ASTN2: variants seen among roughly 807,000 people sequenced by gnomAD.
The protein encoded by ASTN2 is astrotactin-2.
In ASTN2, 54 loss-of-function variants were observed where a neutral mutation model predicts 139.8. The observed-to-expected ratio is 0.39, with a 90% CI of 0.31 to 0.48. The LOEUF (loss-of-function observed/expected upper bound fraction) is 0.48, where lower values mean the gene tolerates loss of function less well. Ranked by LOEUF, ASTN2 falls within the 20% of genes least tolerant of loss-of-function variation. The pLI, the probability that ASTN2 is intolerant of heterozygous loss-of-function variation, is 0.95. For missense variants in ASTN2, 1,565 were observed against 1,725.1 expected (o/e 0.91, Z 1.64); for synonymous variants, 756 against 719.5 (o/e 1.05, Z -0.81).
rs367582464 is a variant in ASTN2, at chr9:117,342,251, G to A, written c.443-50738C>T. Among the ~76,000 whole-genome samples, 160 of 152,314 alleles carry A rather than the reference G, an allele frequency of 1.1e-3. 1 individual carries two copies. The highest frequency in any genetic ancestry group is 9.1e-3 in the South Asian group (44 of 4,830). On this transcript the variant is annotated intron_variant, in intron 1 of 22. Coordinates refer to ENST00000313400, the MANE Select transcript of ASTN2 (RefSeq NM_001365068.1). Reference sequence around the variant, plus strand: ...ACATGCTAAAATGCCAGATGGTTGGGAGCTTGAATCCCCCATTCTGCCACT... The same window carrying A: ...ACATGCTAAAATGCCAGATGGTTGGAAGCTTGAATCCCCCATTCTGCCACT...
intron 16 of ASTN2, among the ~76,000 whole-genome samples, chr9:116,695,619 G>T (rs181673266): frequency 1.2e-4 from 18 of 152,174 alleles, no homozygotes; most frequent in Non-Finnish European, 1.6e-4. Context: ...CTTCTCCTGG[G>T]TGGTTGACCA....
intron 2 of ASTN2, among the ~76,000 whole-genome samples, chr9:117,267,129 G>A (rs895821712): frequency 6.6e-6 from 1 of 152,110 alleles, no homozygotes; most frequent in African/African-American, 2.4e-5. Flanking sequence ...TCCAAATCTG[G>A]AGACCCTAAA....
chr9:116,511,186 T>G (rs1723305630), intron 19 of ASTN2, among the ~76,000 whole-genome samples: 1 of 152,208 alleles, frequency 6.6e-6, no homozygotes, highest in Non-Finnish European at 1.5e-5. Flanking sequence ...GATCAATACC[T>G]AACTTATTGA....
chr9:116,778,487 T>C (rs1822198), intron 13 of ASTN2, among the ~76,000 whole-genome samples: 3,759 of 152,206 alleles, frequency 0.025, 127 homozygotes, highest in East Asian at 0.083. Flanking sequence ...AAAAAGACCA[T>C]AGGGAAAATA....
At chr9:117,092,522 G>A (rs1332830547) in intron 5 of ASTN2, among the ~76,000 whole-genome samples, 1 of 152,064 alleles carries the variant, frequency 6.6e-6, no homozygotes, top group Admixed American at 6.6e-5. Flanking sequence ...TTCAAAGATG[G>A]TAAAGTTGAA....
intron 1 of ASTN2, among the ~76,000 whole-genome samples, chr9:117,375,539 A>G (rs922580572): frequency 1.3e-5 from 2 of 152,238 alleles, no homozygotes; most frequent in African/African-American, 4.8e-5. Flanking sequence ...TACAGTCCTC[A>G]TAAATCCTAT....
chr9:117,192,596 T>A (rs1357634350), intron 3 of ASTN2, among the ~76,000 whole-genome samples: 1 of 152,214 alleles, frequency 6.6e-6, no homozygotes, highest in African/African-American at 2.4e-5. Context: ...CTATACCATT[T>A]TGACAAATGT....
chr9:116,501,785 C>T (rs554462571), intron 19 of ASTN2, among the ~76,000 whole-genome samples: 1 of 151,868 alleles, frequency 6.6e-6, no homozygotes, highest in South Asian at 2.1e-4. Flanking sequence ...CGCACCAGCA[C>T]GTCACATGTA....
intron 10 of ASTN2, among the ~76,000 whole-genome samples, chr9:116,928,116 T>C (rs1834805454): frequency 6.6e-6 from 1 of 152,194 alleles, no homozygotes; most frequent in Non-Finnish European, 1.5e-5. Flanking sequence ...CCAAATTATG[T>C]GAAAACAACG....
chr9:116,561,707 T>C (rs1239930932), intron 19 of ASTN2, among the ~76,000 whole-genome samples: 1 of 152,182 alleles, frequency 6.6e-6, no homozygotes, highest in African/African-American at 2.4e-5. Flanking sequence ...CCTATGAGTA[T>C]CAAGCTGCAT....
chr9:116,818,125 A>C (rs1434761672), intron 12 of ASTN2, among the ~76,000 whole-genome samples: 3 of 152,166 alleles, frequency 2.0e-5, no homozygotes, highest in African/African-American at 7.2e-5. Flanking sequence ...GAATTGAATG[A>C]GCTAATGTAC....
chr9:116,969,312 CTT>C (rs1435540043), intron 10 of ASTN2, among the ~76,000 whole-genome samples: 1 of 152,172 alleles, frequency 6.6e-6, no homozygotes, highest in Non-Finnish European at 1.5e-5. Context: ...ACATAATCCT[CTT>C]TGTGCCTCAG....
chr9:117,150,322 T>C (rs1830299095), intron 3 of ASTN2, among the ~76,000 whole-genome samples: 2 of 152,166 alleles, frequency 1.3e-5, no homozygotes. Flanking sequence ...TTCACCTCCC[T>C]CAACTAATGT....
At chr9:117,315,945 G>A (rs980681690) in intron 1 of ASTN2, among the ~76,000 whole-genome samples, 7 of 152,172 alleles carry the variant, frequency 4.6e-5, no homozygotes, top group East Asian at 1.9e-4. Context: ...AATAGGCAAC[G>A]TCTATTGACT....
chr9:117,158,485 G>A (rs376951070), intron 3 of ASTN2, among the ~76,000 whole-genome samples: 5 of 152,052 alleles, frequency 3.3e-5, no homozygotes, highest in South Asian at 4.1e-4. Context: ...AATTACAGAC[G>A]GATGACTTGT....
chr9:117,190,777 T>G (rs2095482951), intron 3 of ASTN2, among the ~76,000 whole-genome samples: 1 of 152,190 alleles, frequency 6.6e-6, no homozygotes, highest in Admixed American at 6.5e-5. Context: ...AGACCTTTCC[T>G]GAGGGCCCTA....
At chr9:117,395,514 A>G (rs1027619916) in intron 1 of ASTN2, among the ~76,000 whole-genome samples, 1 of 152,194 alleles carries the variant, frequency 6.6e-6, no homozygotes, top group Admixed American at 6.5e-5. Flanking sequence ...TTACCTGCCC[A>G]ACCGTCCCTA....
At chr9:116,465,905 A>G (rs1283804245) in intron 20 of ASTN2, among the ~76,000 whole-genome samples, 1 of 152,216 alleles carries the variant, frequency 6.6e-6, no homozygotes, top group Admixed American at 6.5e-5. Context: ...CAAATGTGAC[A>G]GTACTGACAT....
chr9:116,974,059 C>G (rs1316912254), intron 10 of ASTN2, among the ~76,000 whole-genome samples: 1 of 152,124 alleles, frequency 6.6e-6, no homozygotes, highest in Non-Finnish European at 1.5e-5. Flanking sequence ...GAAAAACAGT[C>G]ACTGGTAGTT....
Sources: gnomAD v4.1 joint callset for allele counts (sites outside exome capture counted in the v4.1 genomes callset) on GRCh38, gnomAD v4.1.1 for gene constraint, MANE v1.5 for transcripts, NCBI Gene and HGNC (gene_info 2026-07-23, HGNC 2026-07-21) for gene names.